The following TMCO4 variants were observed in gnomAD, a reference collection of about 807,000 sequenced individuals.
TMCO4 encodes transmembrane and coiled-coil domains 4.
Under a neutral mutation model 64.7 loss-of-function variants are expected in TMCO4, and 58 were observed. That is an observed-to-expected ratio of 0.90 (90% confidence interval 0.73 to 1.12). The LOEUF (loss-of-function observed/expected upper bound fraction) is 1.12, where lower values mean the gene tolerates loss of function less well. Among genes scored for constraint, TMCO4 ranks in the 50% most tolerant of loss-of-function variants. The pLI, the probability that TMCO4 is intolerant of heterozygous loss-of-function variation, is 0.00. For synonymous variants in TMCO4, 325 were observed against 346.1 expected (o/e 0.94, Z 0.68); for missense variants, 780 against 825.9 (o/e 0.94, Z 0.68).
chr1:19,683,535 G>A (rs2095121117), intron 15 of TMCO4, 91 bp from the exon 16 acceptor site: 1 of 1,449,844 alleles, frequency 6.9e-7, no homozygotes, highest in African/African-American at 1.4e-5. Flanking sequence ...CCTCAGCCTT[G>A]CCCTGAGCAT....
intron 14 of TMCO4, among the ~76,000 whole-genome samples, chr1:19,697,786 T>G (rs2095246681): frequency 6.6e-6 from 1 of 151,584 alleles, no homozygotes; most frequent in African/African-American, 2.4e-5. Flanking sequence ...TTTTTTTTTT[T>G]TTTTTGTGGA....
chr1:19,691,128 AAAGTGCTGG>A (rs2095191194), intron 15 of TMCO4, among the ~76,000 whole-genome samples: 23 of 152,234 alleles, frequency 1.5e-4, no homozygotes, highest in Admixed American at 9.8e-4. Flanking sequence ...TTGGCCTCCC[AAAGTGCTGG>A]GATTACAGGC....
chr1:19,715,654 C>G (rs1288561635), intron 13 of TMCO4, among the ~76,000 whole-genome samples: 1 of 152,200 alleles, frequency 6.6e-6, no homozygotes, highest in African/African-American at 2.4e-5. Flanking sequence ...GAAAGGCAGT[C>G]GGTAACTCTC....
chr1:19,783,739 T>C (rs2043597852), intron 3 of TMCO4, among the ~76,000 whole-genome samples: 2 of 152,256 alleles, frequency 1.3e-5, no homozygotes, highest in South Asian at 4.1e-4. Context: ...AAACCAGACT[T>C]TTGACTCCAA....
chr1:19,755,533 C>G (rs1009600217), intron 7 of TMCO4, 101 bp downstream of exon 7: 26 of 1,525,422 alleles, frequency 1.7e-5, no homozygotes, highest in Middle Eastern at 2.4e-4. Flanking sequence ...CCTTCCACCT[C>G]ACTACACCAT....
intron 10 of TMCO4, among the ~76,000 whole-genome samples, chr1:19,742,572 T>C (rs2095484441): frequency 6.6e-6 from 1 of 152,076 alleles, no homozygotes; most frequent in South Asian, 2.1e-4. Flanking sequence ...CCTCTAATTA[T>C]GGATAAGGTG....
intron 2 of TMCO4, among the ~76,000 whole-genome samples, chr1:19,788,430 G>T (rs983242411): frequency 6.6e-6 from 1 of 152,006 alleles, no homozygotes; most frequent in Non-Finnish European, 1.5e-5. Context: ...GTTAGGACAC[G>T]CACCAGGATG....
chr1:19,736,633 TCTGTCCAAAACCAG>T (rs1380028020), intron 13 of TMCO4, among the ~76,000 whole-genome samples: 2 of 150,424 alleles, frequency 1.3e-5, no homozygotes, highest in South Asian at 2.1e-4. Flanking sequence ...TGCTGACAGA[TCTGTCCAAAACCAG>T]CATTCTGCCC....
intron 13 of TMCO4, among the ~76,000 whole-genome samples, chr1:19,725,011 C>G (rs908875718): frequency 6.6e-6 from 1 of 152,156 alleles, no homozygotes; most frequent in Non-Finnish European, 1.5e-5. Flanking sequence ...GCACCCGCCT[C>G]GGCCTCCCAA....
At chr1:19,795,879 C>T (rs909908412) in intron 2 of TMCO4, among the ~76,000 whole-genome samples, 48 of 152,208 alleles carry the variant, frequency 3.2e-4, no homozygotes, top group African/African-American at 1.2e-3. Context: ...CACTTCTGAG[C>T]CCCAGGCACC....
At chr1:19,773,224 C>T (rs913533824) in intron 4 of TMCO4, among the ~76,000 whole-genome samples, 5 of 152,174 alleles carry the variant, frequency 3.3e-5, no homozygotes, top group East Asian at 1.9e-4. Flanking sequence ...AACTAAATCC[C>T]GGCCTCACCA....
intron 6 of TMCO4, among the ~76,000 whole-genome samples, chr1:19,757,085 G>A (rs756162499): frequency 2.3e-4 from 34 of 149,474 alleles, no homozygotes; most frequent in Non-Finnish European, 4.1e-4. Flanking sequence ...GAAGCCAGGA[G>A]TTCGAGACCA....
intron 2 of TMCO4, among the ~76,000 whole-genome samples, chr1:19,797,603 G>C (rs1251474927): frequency 6.6e-6 from 1 of 152,072 alleles, no homozygotes; most frequent in Non-Finnish European, 1.5e-5. Flanking sequence ...AGGCGCGGTG[G>C]CTCACGCCTG....
intron 13 of TMCO4, among the ~76,000 whole-genome samples, chr1:19,729,979 A>C (rs2095423746): frequency 2.0e-5 from 3 of 152,238 alleles, no homozygotes; most frequent in Admixed American, 2.0e-4. Context: ...ACAAGCAAAA[A>C]ATAGTGCCTA....
rs1055726530 is a variant in TMCO4 at position 19,683,191 on chromosome 1, G to A, written c.1754C>T (p.Pro585Leu). 5.0e-6 allele frequency: 8 copies of A among 1,614,134 alleles called. No individual in the cohort carries two copies. In the African/African-American group the frequency reaches 9.3e-5, roughly 19 times the overall value. Residue 585 changes from proline to leucine, a missense_variant, in exon 16 of 16, where the codon CCA becomes CTA. Physicochemically the swap from Pro to Leu is moderately conservative, Grantham distance 98. Coordinates refer to ENST00000294543, the MANE Select transcript of TMCO4 (RefSeq NM_181719.7). ...CCCTTCAGACTGGTCCAGCCCTACT[G>A]GCACCTGGGCTTGGCTGGGGTCTGT... ...MSTDPSQAQVPVGLDQSEGAS... is the reference protein window; with the variant it reads ...MSTDPSQAQVLVGLDQSEGAS...
intron 15 of TMCO4, among the ~76,000 whole-genome samples, chr1:19,686,485 A>G (rs1398144692): frequency 6.6e-6 from 1 of 152,274 alleles, no homozygotes; most frequent in Non-Finnish European, 1.5e-5. Context: ...TTTCAAAAAC[A>G]CGAAAAGACA....
At chr1:19,754,724 C>T (rs2042167346) in intron 7 of TMCO4, among the ~76,000 whole-genome samples, 1 of 152,134 alleles carries the variant, frequency 6.6e-6, no homozygotes, top group Non-Finnish European at 1.5e-5. Context: ...AGAATTATTT[C>T]CTTCTACACA....
chr1:19,708,491 G>A (rs1254593540), intron 13 of TMCO4, among the ~76,000 whole-genome samples: 1 of 151,818 alleles, frequency 6.6e-6, no homozygotes, highest in African/African-American at 2.4e-5. Context: ...CTCAAAAACT[G>A]TGTTTAAATT....
intron 13 of TMCO4, among the ~76,000 whole-genome samples, chr1:19,726,121 A>G (rs949432039): frequency 5.9e-5 from 9 of 152,252 alleles, no homozygotes; most frequent in Non-Finnish European, 7.3e-5. Flanking sequence ...GACAAAACAG[A>G]CAGTGCCTGG....
Sources: gnomAD v4.1 joint callset for allele counts (sites outside exome capture counted in the v4.1 genomes callset) on GRCh38, gnomAD v4.1.1 for gene constraint, MANE v1.5 for transcripts, NCBI Gene and HGNC (gene_info 2026-07-23, HGNC 2026-07-21) for gene names.